Variants in NRXN1 observed in about 807,000 individuals in gnomAD.
NRXN1 encodes neurexin-1.
A neutral mutation model predicts 150.9 loss-of-function variants in NRXN1; 39 were observed. The ratio of observed to expected loss-of-function variants is 0.26; its 90% CI spans 0.20 to 0.34. NRXN1 has a LOEUF of 0.34. NRXN1 is among the 10% of genes least tolerant of loss of function. The pLI, the probability that NRXN1 is intolerant of heterozygous loss-of-function variation, is 1.00. For synonymous variants in NRXN1, 924 were observed against 757.0 expected, an observed-to-expected ratio of 1.22 and a Z score of -3.62; for missense variants, 1,815 against 1,949.9, an observed-to-expected ratio of 0.93 and a Z score of 1.30.
At chr2:50,097,642 CTT>C (rs113108927) in intron 18 of NRXN1, among the ~76,000 whole-genome samples, 6 of 144,822 alleles carry the variant, frequency 4.1e-5, no homozygotes, top group African/African-American at 2.5e-5. Flanking sequence ...AGCCCAAACA[CTT>C]TTTTTTTTTT....
chr2:50,664,515 C>A (rs1462008125), intron 5 of NRXN1, among the ~76,000 whole-genome samples: 1 of 147,026 alleles, frequency 6.8e-6, no homozygotes, highest in African/African-American at 2.5e-5. Context: ...AAAAAAAATT[C>A]TTCTCCAACT....
intron 5 of NRXN1, among the ~76,000 whole-genome samples, chr2:50,639,223 T>TTTCTTCC (rs34532583): frequency 9.1e-6 from 1 of 110,350 alleles, no homozygotes; most frequent in Non-Finnish European, 1.8e-5. Context: ...TCTTTCTTTC[T>TTTCTTCC]TTTTTTTTTT....
chr2:50,412,433 T>C (rs559249994), intron 17 of NRXN1, among the ~76,000 whole-genome samples: 1 of 152,198 alleles, frequency 6.6e-6, no homozygotes, highest in South Asian at 2.1e-4. Flanking sequence ...AAGGGTTATA[T>C]ACCAGGGCAA....
intron 8 of NRXN1, among the ~76,000 whole-genome samples, chr2:50,602,237 T>C (rs1476680445): frequency 6.6e-6 from 1 of 152,116 alleles, no homozygotes; most frequent in East Asian, 1.9e-4. Flanking sequence ...CTATATTCTG[T>C]ATGGGATATC....
intron 21 of NRXN1, among the ~76,000 whole-genome samples, chr2:50,039,298 T>A (rs1690551003): frequency 6.6e-6 from 1 of 152,038 alleles, no homozygotes; most frequent in South Asian, 2.1e-4. Context: ...AAATCCTGTC[T>A]CTACTAAAAA....
At chr2:50,136,977 C>G (rs1363297666) in intron 18 of NRXN1, among the ~76,000 whole-genome samples, 1 of 152,086 alleles carries the variant, frequency 6.6e-6, no homozygotes, top group African/African-American at 2.4e-5. Flanking sequence ...CAAAGCATTT[C>G]TAATTTGGGT....
intron 9 of NRXN1, among the ~76,000 whole-genome samples, chr2:50,538,856 G>A (rs940719884): frequency 6.9e-6 from 1 of 144,156 alleles, no homozygotes; most frequent in Non-Finnish European, 1.5e-5. Flanking sequence ...ATTTGAACTC[G>A]AGAATGGAAA....
At chr2:50,367,056 T>A (rs2079632651) in intron 17 of NRXN1, among the ~76,000 whole-genome samples, 1 of 151,986 alleles carries the variant, frequency 6.6e-6, no homozygotes, top group Non-Finnish European at 1.5e-5. Context: ...GAGACATTTA[T>A]CCTTAAGGAA....
chr2:50,277,883 A>G (rs1232179718), intron 17 of NRXN1, among the ~76,000 whole-genome samples: 1 of 151,942 alleles, frequency 6.6e-6, no homozygotes, highest in African/African-American at 2.4e-5. Context: ...TTGATCAGAA[A>G]TATGTATTTA....
intron 17 of NRXN1, among the ~76,000 whole-genome samples, chr2:50,429,548 C>T (rs541085122): frequency 5.2e-4 from 79 of 151,468 alleles, no homozygotes; most frequent in African/African-American, 1.8e-3. Flanking sequence ...TAAGCCAGTG[C>T]GCCAGCCAAT....
At position 50,059,929 on chromosome 2, in the gene NRXN1, C is replaced by A. The variant is rs186655882; in HGVS notation, c.3719-4885G>T. 2.2e-4 allele frequency among the ~76,000 whole-genome samples: 34 copies of A among 152,290 alleles called. 1 individual carries two copies. In the East Asian group the frequency reaches 2.5e-3, roughly 11 times the overall value. ...GCAGAGGTGTGCTGCAGGGACAGAA[C>A]CCTCATGGAGAACTTCTGCTAGGGC... On this transcript the variant is annotated intron_variant, in intron 19 of 22. Transcript: ENST00000401669.
chr2:50,150,292 C>A (rs1472457248), intron 18 of NRXN1, among the ~76,000 whole-genome samples: 1 of 151,710 alleles, frequency 6.6e-6, no homozygotes, highest in Non-Finnish European at 1.5e-5. Flanking sequence ...TAATTAATTC[C>A]TATTAAGGAG....
At chr2:50,182,111 C>CT (rs10653885) in intron 18 of NRXN1, among the ~76,000 whole-genome samples, 11,042 of 138,674 alleles carry the variant, frequency 0.08, 488 homozygotes, top group Middle Eastern at 0.14. Flanking sequence ...ATTCATTATC[C>CT]TTTTTTTTTT....
intron 5 of NRXN1, among the ~76,000 whole-genome samples, chr2:50,832,709 G>T (rs1011970534): frequency 6.6e-6 from 1 of 152,082 alleles, no homozygotes; most frequent in East Asian, 1.9e-4. Context: ...AGCCAAAGTT[G>T]GAGCTCAATG....
intron 18 of NRXN1, among the ~76,000 whole-genome samples, chr2:50,233,804 C>T (rs1196986032): frequency 3.3e-5 from 5 of 152,082 alleles, no homozygotes; most frequent in Middle Eastern, 3.4e-3. Flanking sequence ...ATTTATAAAT[C>T]TTATTTTTCC....
At chr2:50,666,881 G>GA (rs386354971) in intron 5 of NRXN1, among the ~76,000 whole-genome samples, 47 of 144,252 alleles carry the variant, frequency 3.3e-4, no homozygotes, top group Middle Eastern at 3.5e-3. Flanking sequence ...TGATGATGAT[G>GA]TGTGTGTGTG....
At chr2:50,636,808 A>C (rs905179970) in intron 5 of NRXN1, among the ~76,000 whole-genome samples, 2 of 152,098 alleles carry the variant, frequency 1.3e-5, no homozygotes, top group Non-Finnish European at 2.9e-5. Flanking sequence ...CCTTCAATGG[A>C]TTTGCTAGTG....
At chr2:50,533,436 T>C (rs2093170913) in intron 10 of NRXN1, among the ~76,000 whole-genome samples, 1 of 152,178 alleles carries the variant, frequency 6.6e-6, no homozygotes, top group African/African-American at 2.4e-5. Flanking sequence ...TCAGTAAACA[T>C]GATAATCTCA....
chr2:50,226,194 A>T (rs529651903), intron 18 of NRXN1, among the ~76,000 whole-genome samples: 2 of 152,084 alleles, frequency 1.3e-5, no homozygotes, highest in South Asian at 4.1e-4. Context: ...TTCCTTTTGA[A>T]GTTTTAATGC....
Sources: gnomAD v4.1 joint callset for allele counts (sites outside exome capture counted in the v4.1 genomes callset) on GRCh38, gnomAD v4.1.1 for gene constraint, MANE v1.5 for transcripts, NCBI Gene and HGNC (gene_info 2026-07-23, HGNC 2026-07-21) for gene names.